The following CSNK2A1 variants were observed in gnomAD, a reference collection of about 807,000 sequenced individuals.
The protein encoded by CSNK2A1 is casein kinase 2 alpha 1, also known as casein kinase II subunit alpha.
A neutral mutation model predicts 62.9 loss-of-function variants in CSNK2A1; 10 were observed. The ratio of observed to expected loss-of-function variants is 0.16; its 90% CI spans 0.10 to 0.27. The LOEUF (loss-of-function observed/expected upper bound fraction) is 0.27. Ranked by LOEUF, CSNK2A1 falls within the 10% of genes least tolerant of loss-of-function variation. The probability of loss-of-function intolerance (pLI) is 1.00; values close to 1 mark genes in which losing one functional copy is unlikely to be tolerated. For synonymous variants in CSNK2A1, 124 were observed against 167.8 expected, an observed-to-expected ratio of 0.74 and a Z score of 2.02; for missense variants, 160 against 492.0, an observed-to-expected ratio of 0.33 and a Z score of 6.38.
intron 9 of CSNK2A1, among the ~76,000 whole-genome samples, chr20:491,335 C>A (rs1306432403): frequency 1.3e-5 from 2 of 152,078 alleles, no homozygotes; most frequent in Non-Finnish European, 2.9e-5. Flanking sequence ...TTCAGAAGAA[C>A]AAGAAAACAT....
intron 3 of CSNK2A1, chr20:506,967 C>T (rs570330312): frequency 6.6e-6 from 1 of 152,242 alleles, no homozygotes; most frequent in South Asian, 2.1e-4. Flanking sequence ...AAGCCTGTGA[C>T]ATAAGAGGAG....
At chr20:532,951 T>C (rs2019243938) in intron 1 of CSNK2A1, among the ~76,000 whole-genome samples, 1 of 152,120 alleles carries the variant, frequency 6.6e-6, no homozygotes, top group African/African-American at 2.4e-5. Context: ...ACGGTAAAAA[T>C]GTATGATTAA....
rs1348005212 is a variant in CSNK2A1, at chr20:482,854, G to A, written c.*1107C>T. The A allele has an allele frequency of 6.6e-6, 1 of 152,624 alleles. No homozygotes were observed. Among genetic ancestry groups the A allele is most frequent in the East Asian group, 1.9e-4 (1 of 5,200 alleles). The allele number at this position is 152,624 out of a possible 1,614,324, so 9.5% of individuals were successfully genotyped here. A position where few individuals can be genotyped will look rare whatever the true frequency, so the allele number is the denominator to read the frequency against. On this transcript the variant is annotated 3_prime_UTR_variant, in exon 14 of 14. Coordinates refer to ENST00000217244, the MANE Select transcript of CSNK2A1 (RefSeq NM_177559.3). ...CCACAATTACAGGTCTACCATTTCA[G>A]CTTCAATGGAGATAGTGGCTCTGCT...
At chr20:485,130 A>ATG (rs2018067656) in intron 13 of CSNK2A1, among the ~76,000 whole-genome samples, 1 of 103,464 alleles carries the variant, frequency 9.7e-6, no homozygotes. Context: ...ATATATATAT[A>ATG]TATATATGAG....
chr20:497,993 T>C (rs1032278375), intron 6 of CSNK2A1: 2 of 483,868 alleles, frequency 4.1e-6, no homozygotes, highest in East Asian at 3.7e-5. Flanking sequence ...TAAACATATA[T>C]TGCGGAAGCT....
In CSNK2A1 at chr20:488,773, C is replaced by T; in HGVS notation, c.729G>A (p.Val243=). Reference sequence around the variant, plus strand: ...CTGTCCCCAGAACCTTGGCTATCCTCACCAACTAGTATTAAAGAAAGACAA... The same window carrying T: ...CTGTCCCCAGAACCTTGGCTATCCTTACCAACTAGTATTAAAGAAAGACAA... ...FHGHDNYDQL[V]RIAKVLGTED... The change falls in exon 11 of 14, where the codon GTG becomes GTA. Residue 243 remains valine, a synonymous_variant. Transcript: ENST00000217244. 6.2e-7 allele frequency: 1 copy of T among 1,612,258 alleles called. No individual in the cohort carries two copies. The highest frequency in any genetic ancestry group is 8.5e-7 in the Non-Finnish European group (1 of 1,179,266).
chr20:496,642 G>T (rs1476781532), intron 7 of CSNK2A1: 1 of 152,172 alleles, frequency 6.6e-6, no homozygotes, highest in Non-Finnish European at 1.5e-5. Flanking sequence ...TGAGCCAATG[G>T]AAAGATCAAG....
rs780489755 is a variant in CSNK2A1, at chr20:483,893, G to A, written c.*68C>T. 67 of 1,483,222 alleles carry A rather than the reference G, an allele frequency of 4.5e-5. No individual in the cohort carries two copies. The highest frequency in any genetic ancestry group is 1.3e-4 in the East Asian group (5 of 38,688). 91.9% of individuals were successfully genotyped at this position (1,483,222 alleles called of 1,614,324 possible). A position where few individuals can be genotyped will look rare whatever the true frequency, so the allele number is the denominator to read the frequency against. ...AGTGTTTCACCCCTCCCCGCCAGGC[G>A]CAAGCTGCATCAAGGAGAGGGTGGA... On this transcript the variant is annotated 3_prime_UTR_variant, in exon 14 of 14. Transcript: ENST00000217244.
intron 8 of CSNK2A1, 73 bp downstream of exon 8, chr20:495,646 G>C (rs908581674): frequency 7.7e-7 from 1 of 1,303,464 alleles, no homozygotes; most frequent in Non-Finnish European, 1.1e-6. Flanking sequence ...GACAACACAA[G>C]GGATAAAGTG....
At chr20:492,913 A>G (rs2018264752) in intron 8 of CSNK2A1, among the ~76,000 whole-genome samples, 1 of 152,222 alleles carries the variant, frequency 6.6e-6, no homozygotes, top group African/African-American at 2.4e-5. Context: ...ATAACAGAAA[A>G]GTCATACAAT....
In CSNK2A1 at chr20:474,713, A is replaced by C. The variant is rs938511636; in HGVS notation, c.*9248T>G. ...GCTTAGACCGCTTGTCCTGTTACCAACACCACCACACATGCCAGCATTTCC... is the reference window on the plus strand; with the variant it reads ...GCTTAGACCGCTTGTCCTGTTACCACCACCACCACACATGCCAGCATTTCC... On this transcript the variant is annotated 3_prime_UTR_variant, in exon 14 of 14. Coordinates refer to ENST00000217244, the MANE Select transcript of CSNK2A1 (RefSeq NM_177559.3). 1.3e-5 allele frequency: 2 copies of C among 152,208 alleles called. No homozygotes were observed. The highest frequency in any genetic ancestry group is 2.4e-5 in the African/African-American group (1 of 41,450). The allele number at this position is 152,208 out of a possible 1,614,324, so 9.4% of individuals were successfully genotyped here.
chr20:523,766 C>T (rs2122615893), intron 2 of CSNK2A1, among the ~76,000 whole-genome samples: 1 of 148,684 alleles, frequency 6.7e-6, no homozygotes, highest in East Asian at 2.0e-4. Flanking sequence ...TGGTGGGCGC[C>T]TGTAGTCCCA....
Position 481,288 on chromosome 20 carries a change from TCAAA to T in CSNK2A1, c.*2669_*2672del, listed in dbSNP as rs975383116. On this transcript the variant is annotated 3_prime_UTR_variant, in exon 14 of 14. Transcript: ENST00000217244. ...GCAGAGGAAGAGGGGAGGGACCACT[TCAAA>T]CAAAGTTTAAAAATACTTTAAAAAA... 3 of 152,268 alleles carry T rather than the reference TCAAA, an allele frequency of 2.0e-5. No homozygotes were observed. The highest frequency in any genetic ancestry group is 1.5e-5 in the Non-Finnish European group (1 of 68,020). The allele number at this position is 152,268 out of a possible 1,614,324, so 9.4% of individuals were successfully genotyped here.
At chr20:492,578 G>A in intron 8 of CSNK2A1, 1 of 539,698 alleles carries the variant, frequency 1.9e-6, no homozygotes, top group Non-Finnish European at 3.3e-6. Flanking sequence ...TCTCACCTGT[G>A]CTTTTACAAA....
intron 13 of CSNK2A1, 100 bp downstream of exon 13, chr20:486,276 C>G (rs751348417): frequency 1.1e-4 from 151 of 1,367,434 alleles, no homozygotes; most frequent in Non-Finnish European, 1.5e-4. Context: ...ACAAGGCCAC[C>G]AGTACGGAGA....
At chr20:537,400 A>T (rs1226951522) in intron 1 of CSNK2A1, among the ~76,000 whole-genome samples, 6 of 152,150 alleles carry the variant, frequency 3.9e-5, no homozygotes, top group African/African-American at 9.7e-5. Flanking sequence ...AATTTGTAGA[A>T]ACCAGTTAAA....
In CSNK2A1 at chr20:499,977, T is replaced by TG. The variant is rs2018427073; in HGVS notation, c.214-44_214-43insC. 4 of 1,067,402 alleles carry TG rather than the reference T, an allele frequency of 3.7e-6. No individual in the cohort carries two copies. Among genetic ancestry groups the TG allele is most frequent in the East Asian group, 2.4e-5 (1 of 41,454 alleles). 66.1% of individuals were successfully genotyped at this position (1,067,402 alleles called of 1,614,324 possible). On this transcript the variant is annotated intron_variant, in intron 4 of 13. Transcript: ENST00000217244. This position sits in a 1 kb window ranked among gnomAD's most constrained non-coding sequence, Gnocchi z 4.2. ...CATCAGCAAAAAAAAAAAAAAAAAA[T>TG]TTTTTCAGAGTATTTCAACACGTAG...
intron 2 of CSNK2A1, among the ~76,000 whole-genome samples, chr20:521,364 C>T (rs930689478): frequency 6.6e-6 from 1 of 152,136 alleles, no homozygotes; most frequent in African/African-American, 2.4e-5. Flanking sequence ...ACTACCACTA[C>T]AGATTTATTA....
Position 503,247 on chromosome 20 carries a change from C to T in CSNK2A1, c.213+1871G>A, listed in dbSNP as rs141471958. On this transcript the variant is annotated intron_variant, in intron 4 of 13. Transcript: ENST00000217244. ...GCAACCTTCAACTTCCAGGCTCAAG[C>T]GATCCTCCCACTTTAGCCCCTCGAG... The T allele has an allele frequency of 7.3e-4, 264 of 364,050 alleles. 3 individuals are homozygous for T. The highest frequency in any genetic ancestry group is 1.9e-4 in the Non-Finnish European group (39 of 204,572). 22.6% of individuals were successfully genotyped at this position (364,050 alleles called of 1,614,324 possible). A position where few individuals can be genotyped will look rare whatever the true frequency, so the allele number is the denominator to read the frequency against.
Sources: gnomAD v4.1 joint callset for allele counts (sites outside exome capture counted in the v4.1 genomes callset) on GRCh38, gnomAD v4.1.1 for gene constraint, Gnocchi (gnomAD v3.1) non-coding constraint, MANE v1.5 for transcripts, NCBI Gene and HGNC (gene_info 2026-07-23, HGNC 2026-07-21) for gene names.